Variants in MBD2 observed in about 807,000 individuals in gnomAD.
MBD2 encodes the protein methyl-CpG-binding domain protein 2.
Under a neutral mutation model 39.3 loss-of-function variants are expected in MBD2, and 9 were observed. The ratio of observed to expected loss-of-function variants is 0.23; its 90% CI spans 0.14 to 0.40. The LOEUF (loss-of-function observed/expected upper bound fraction) is 0.40. MBD2 is among the 10% of genes least tolerant of loss of function. The pLI is 1.00. For missense variants in MBD2, 458 were observed against 532.6 expected (o/e 0.86, Z 1.38); for synonymous variants, 233 against 211.1 (o/e 1.10, Z -0.90).
rs1232128817 is a variant in MBD2, at chr18:54,171,409, A to C, written c.841-5243T>G. ...AAAACTCCATCTCAAAAAAAAAAGCATGCACGTAGTGGGGGTGTAGTGACC... is the reference window on the plus strand; with the variant it reads ...AAAACTCCATCTCAAAAAAAAAAGCCTGCACGTAGTGGGGGTGTAGTGACC... On this transcript the variant is annotated intron_variant, in intron 3 of 6. Coordinates refer to ENST00000256429, the MANE Select transcript of MBD2 (RefSeq NM_003927.5). Among the ~76,000 whole-genome samples the C allele has an allele frequency of 2.0e-5, 3 of 151,952 alleles. No individual in the cohort carries two copies. In the East Asian group the frequency reaches 5.8e-4, roughly 29 times the overall value.
At chr18:54,193,534 ATC>A (rs200844317) in intron 2 of MBD2, among the ~76,000 whole-genome samples, 1,700 of 152,310 alleles carry the variant, frequency 0.011, 17 homozygotes, top group Non-Finnish European at 0.015. Context: ...ATAAAAATAA[ATC>A]TTTCTTATTT....
Position 54,155,156 on chromosome 18 carries a change from TATAC to T in MBD2, c.*164_*167del, listed in dbSNP as rs1322039952. The stretch of plus-strand genomic sequence containing the variant: ...AACATGATTTTTTGAATAATAGATA[TATAC>T]ATCAAAAATACATCTAAAAAGGCAT... On this transcript the variant is annotated 3_prime_UTR_variant, in exon 7 of 7. Coordinates refer to ENST00000256429, the MANE Select transcript of MBD2 (RefSeq NM_003927.5). 6.6e-6 allele frequency: 1 copy of T among 152,472 alleles called. No homozygotes were observed. The highest frequency in any genetic ancestry group is 2.4e-5 in the African/African-American group (1 of 41,404). 9.4% of individuals were successfully genotyped at this position (152,472 alleles called of 1,614,324 possible).
At chr18:54,194,300 G>A (rs569734327) in intron 2 of MBD2, among the ~76,000 whole-genome samples, 20 of 151,986 alleles carry the variant, frequency 1.3e-4, no homozygotes, top group Admixed American at 7.2e-4. Context: ...ATTTATATAC[G>A]AACAAACTCT....
intron 3 of MBD2, among the ~76,000 whole-genome samples, chr18:54,179,113 C>T (rs910043927): frequency 6.6e-6 from 1 of 152,054 alleles, no homozygotes; most frequent in Non-Finnish European, 1.5e-5. Context: ...TCACTTGAGC[C>T]CAGGAGGGCA....
chr18:54,207,285 T>C (rs2086458345), intron 1 of MBD2, among the ~76,000 whole-genome samples: 1 of 152,222 alleles, frequency 6.6e-6, no homozygotes, highest in Non-Finnish European at 1.5e-5. Context: ...AGCAACATCC[T>C]GCCTATCAAA....
intron 1 of MBD2, among the ~76,000 whole-genome samples, chr18:54,210,920 G>A (rs903227041): frequency 2.9e-5 from 4 of 139,526 alleles, no homozygotes; most frequent in Non-Finnish European, 6.1e-5. Flanking sequence ...CGCCCAGGCT[G>A]GAGTGCAGTG....
chr18:54,216,435 G>C (rs1055806317), intron 1 of MBD2, among the ~76,000 whole-genome samples: 1 of 152,158 alleles, frequency 6.6e-6, no homozygotes, highest in African/African-American at 2.4e-5. Context: ...TATGAAAAAC[G>C]TTCCATATTA....
At chr18:54,200,765 G>A (rs1216120691) in intron 2 of MBD2, among the ~76,000 whole-genome samples, 1 of 151,548 alleles carries the variant, frequency 6.6e-6, no homozygotes, top group Non-Finnish European at 1.5e-5. Flanking sequence ...GGTACATCTG[G>A]CTATTTAATT....
At chr18:54,223,947 T>A in intron 1 of MBD2, 71 bp downstream of exon 1, 1 of 1,340,378 alleles carries the variant, frequency 7.5e-7, no homozygotes, top group Non-Finnish European at 1.0e-6. Context: ...GCTCATCCTC[T>A]GCCCAGGCCC....
At position 54,167,462 on chromosome 18, in the gene MBD2, A is replaced by C. The variant is rs148420173; in HGVS notation, c.841-1296T>G. On this transcript the variant is annotated intron_variant, in intron 3 of 6. Coordinates refer to ENST00000256429, the MANE Select transcript of MBD2 (RefSeq NM_003927.5). Reference sequence around the variant, plus strand: ...TCACAAAAGATTACTGTGGGAGTTAAATAAGGCAATATGTATAAAGTATCC... The same window carrying C: ...TCACAAAAGATTACTGTGGGAGTTACATAAGGCAATATGTATAAAGTATCC... 1.6e-3 allele frequency among the ~76,000 whole-genome samples: 241 copies of C among 152,354 alleles called. 1 individual carries two copies. The highest frequency in any genetic ancestry group is 5.5e-3 in the African/African-American group (228 of 41,584).
chr18:54,162,707 T>C (rs1023698535), intron 5 of MBD2, among the ~76,000 whole-genome samples: 2 of 152,220 alleles, frequency 1.3e-5, no homozygotes, highest in African/African-American at 4.8e-5. Flanking sequence ...TGGAGTAATT[T>C]TCTTCCTCAA....
intron 2 of MBD2, chr18:54,203,043 G>A (rs1262142943): frequency 7.4e-7 from 1 of 1,346,044 alleles, no homozygotes; most frequent in East Asian, 2.3e-5. Flanking sequence ...AACAGCGTAT[G>A]AGCAAGCAGA....
chr18:54,206,886 C>A (rs560370249), intron 1 of MBD2, among the ~76,000 whole-genome samples: 1 of 152,216 alleles, frequency 6.6e-6, no homozygotes, highest in Non-Finnish European at 1.5e-5. Flanking sequence ...GCAAGTCACT[C>A]GCAATATTGT....
intron 1 of MBD2, among the ~76,000 whole-genome samples, chr18:54,205,528 T>C (rs1599102800): frequency 6.7e-6 from 1 of 148,760 alleles, no homozygotes; most frequent in African/African-American, 2.5e-5. Context: ...GAGGTGGAGG[T>C]TGCAGTGAGC....
rs945712277 is a variant in MBD2, at chr18:54,173,757, T to C, written c.841-7591A>G. On this transcript the variant is annotated intron_variant, in intron 3 of 6. Coordinates refer to ENST00000256429, the MANE Select transcript of MBD2 (RefSeq NM_003927.5). ...GGTGGAGCAGTATTAGTAAGGAAGATTGGAAGACCAGGGAATGAGGAAACC... is the reference window on the plus strand; with the variant it reads ...GGTGGAGCAGTATTAGTAAGGAAGACTGGAAGACCAGGGAATGAGGAAACC... Among the ~76,000 whole-genome samples, 50 of 152,244 alleles carry C rather than the reference T, an allele frequency of 3.3e-4. 1 individual carries two copies. The highest frequency in any genetic ancestry group is 1.1e-3 in the African/African-American group (47 of 41,546).
At chr18:54,169,305 C>T (rs2086161679) in intron 3 of MBD2, among the ~76,000 whole-genome samples, 1 of 152,174 alleles carries the variant, frequency 6.6e-6, no homozygotes, top group South Asian at 2.1e-4. Flanking sequence ...TAGCCCACCC[C>T]CTTTCTAGCC....
chr18:54,205,278 ATG>A, intron 1 of MBD2, 121 bp from the exon 2 acceptor site: 3 of 981,000 alleles, frequency 3.1e-6, no homozygotes, highest in Non-Finnish European at 4.4e-6. Flanking sequence ...TTTTAAAGAA[ATG>A]TTAAAGTTTT....
At chr18:54,209,015 C>A (rs971085071) in intron 1 of MBD2, among the ~76,000 whole-genome samples, 6 of 152,060 alleles carry the variant, frequency 3.9e-5, no homozygotes, top group Non-Finnish European at 8.8e-5. Context: ...AAATGGGGGG[C>A]CAGGCACGGT....
intron 1 of MBD2, among the ~76,000 whole-genome samples, chr18:54,213,458 C>T (rs1049637326): frequency 1.3e-5 from 2 of 152,026 alleles, no homozygotes; most frequent in African/African-American, 4.8e-5. Flanking sequence ...TCCCTGGTGC[C>T]GAAAAAGTTG....
Sources: gnomAD v4.1 joint callset for allele counts (sites outside exome capture counted in the v4.1 genomes callset) on GRCh38, gnomAD v4.1.1 for gene constraint, MANE v1.5 for transcripts, NCBI Gene and HGNC (gene_info 2026-07-23, HGNC 2026-07-21) for gene names.